The following BEND4 variants were observed in gnomAD, a reference collection of about 807,000 sequenced individuals.
BEND4 encodes BEN domain containing 4, also known as BEN domain-containing protein 4.
BEND4 carries 27 observed loss-of-function variants against 54.7 expected under a neutral mutation model. That is an observed-to-expected ratio of 0.49 (90% CI 0.36 to 0.68). BEND4 has a LOEUF of 0.68. BEND4 is among the 30% of genes least tolerant of loss of function. BEND4 has a pLI of 0.00. For missense variants in BEND4, 702 were observed against 697.2 expected (o/e 1.01, Z -0.08); for synonymous variants, 327 against 299.5 (o/e 1.09, Z -0.95).
chr4:42,117,465 C>T lies in BEND4; in HGVS notation c.*53G>A. On this transcript the variant is annotated 3_prime_UTR_variant, in exon 6 of 6. Transcript: ENST00000502486. ...TCTCAGGTGACAGGAACAGGACATTCACAATTGGAACTCTTGAGAGGACCA... is the reference window on the plus strand; with the variant it reads ...TCTCAGGTGACAGGAACAGGACATTTACAATTGGAACTCTTGAGAGGACCA... 3 of 1,315,784 alleles carry T rather than the reference C, an allele frequency of 2.3e-6. No homozygotes were observed. The highest frequency in any genetic ancestry group is 3.2e-6 in the Non-Finnish European group (3 of 935,048). 81.5% of individuals were successfully genotyped at this position (1,315,784 alleles called of 1,614,324 possible).
chr4:42,137,164 T>C (rs778537231), intron 3 of BEND4, among the ~76,000 whole-genome samples: 4 of 152,144 alleles, frequency 2.6e-5, no homozygotes, highest in Non-Finnish European at 5.9e-5. Context: ...GTCTATAAAA[T>C]AGGAATGATA....
At chr4:42,148,696 ACAGT>A (rs764265985) in intron 2 of BEND4, among the ~76,000 whole-genome samples, 2 of 152,230 alleles carry the variant, frequency 1.3e-5, no homozygotes, top group African/African-American at 4.8e-5. Context: ...CAAAAGCTTG[ACAGT>A]CAGGTTAATA....
rs2153143726 is a variant in BEND4 at position 42,113,314 on chromosome 4, TC to T, written c.*4203del. 1 of 152,312 alleles carries T rather than the reference TC, an allele frequency of 6.6e-6. No individual in the cohort carries two copies. The highest frequency in any genetic ancestry group is 2.1e-4 in the South Asian group (1 of 4,828). 9.4% of individuals were successfully genotyped at this position (152,312 alleles called of 1,614,324 possible). On this transcript the variant is annotated 3_prime_UTR_variant, in exon 6 of 6. Transcript: ENST00000502486. ...GAAGCTATTATCCATGGATGACATT[TC>T]AAAAAAATAATTGAAACCTAAGAAA... is the stretch of plus-strand genomic sequence containing the variant.
At chr4:42,150,534 G>GA (rs1313891768) in intron 2 of BEND4, among the ~76,000 whole-genome samples, 2 of 152,192 alleles carry the variant, frequency 1.3e-5, no homozygotes, top group Admixed American at 6.5e-5. Flanking sequence ...TTCCACAGGA[G>GA]AAAAAAATAA....
chr4:42,125,530 A>C, intron 4 of BEND4, 53 bp downstream of exon 4: 1 of 1,371,408 alleles, frequency 7.3e-7, no homozygotes, highest in Non-Finnish European at 1.0e-6. Flanking sequence ...AAGTTAATCA[A>C]GATACTTAAG....
At chr4:42,137,123 C>A (rs754417904) in intron 3 of BEND4, among the ~76,000 whole-genome samples, 1 of 152,166 alleles carries the variant, frequency 6.6e-6, no homozygotes, top group South Asian at 2.1e-4. Context: ...AAATTTCCAA[C>A]TGACCTCACT....
rs1017567513 is a variant in BEND4, at chr4:42,115,247, G to T, written c.*2271C>A. On this transcript the variant is annotated 3_prime_UTR_variant, in exon 6 of 6. Transcript: ENST00000502486. Reference sequence around the variant, plus strand: ...CATGTGTAACTTTGGAACAAAAGTGGTGTGCAAACCTGGGACAGCAGCCTT... The same window carrying T: ...CATGTGTAACTTTGGAACAAAAGTGTTGTGCAAACCTGGGACAGCAGCCTT... 1 of 152,248 alleles carries T rather than the reference G, an allele frequency of 6.6e-6. No individual in the cohort carries two copies. Among genetic ancestry groups the T allele is most frequent in the African/African-American group, 2.4e-5 (1 of 41,452 alleles). The allele number at this position is 152,248 out of a possible 1,614,324, so 9.4% of individuals were successfully genotyped here. A position where few individuals can be genotyped will look rare whatever the true frequency, so the allele number is the denominator to read the frequency against.
intron 3 of BEND4, among the ~76,000 whole-genome samples, chr4:42,136,446 T>C (rs1335346424): frequency 1.3e-5 from 2 of 152,208 alleles, no homozygotes; most frequent in Admixed American, 6.5e-5. Context: ...CATTCATGGA[T>C]TCGGTATTTG....
At chr4:42,132,440 A>ATTAT (rs10677500) in intron 3 of BEND4, among the ~76,000 whole-genome samples, 52,120 of 150,574 alleles carry the variant, frequency 0.35, 11,604 homozygotes, top group African/African-American at 0.64. Flanking sequence ...TTTTTATTTT[A>ATTAT]TTATTTATTT....
Position 42,124,237 on chromosome 4 carries a change from C to T in BEND4, c.1146+1346G>A, listed in dbSNP as rs867267653. Among the ~76,000 whole-genome samples the T allele has an allele frequency of 3.3e-5, 5 of 152,096 alleles. No homozygotes were observed. The East Asian group carries it at 5.8e-4, about 18-fold the overall frequency. Reference sequence around the variant, plus strand: ...GCGTGGTGGTGCACACCTGTAGTCTCGGCTATTTGCGGGGCTGAGGTGGGA... The same window carrying T: ...GCGTGGTGGTGCACACCTGTAGTCTTGGCTATTTGCGGGGCTGAGGTGGGA... On this transcript the variant is annotated intron_variant, in intron 4 of 5. Coordinates refer to ENST00000502486, the MANE Select transcript of BEND4 (RefSeq NM_207406.4).
At chr4:42,145,691 A>G (rs76380473) in intron 2 of BEND4, among the ~76,000 whole-genome samples, 1 of 98,688 alleles carries the variant, frequency 1.0e-5, no homozygotes, top group East Asian at 2.1e-4. Context: ...CTCCATCTCA[A>G]AAAAAAAAAA....
At chr4:42,151,417 C>T in intron 2 of BEND4, 1 of 336,366 alleles carries the variant, frequency 3.0e-6, no homozygotes, top group Non-Finnish European at 5.3e-6. Context: ...CCGTGCTTCC[C>T]GGCGCGGGAT....
chr4:42,128,910 TG>T (rs1720403132), intron 3 of BEND4, among the ~76,000 whole-genome samples: 1 of 152,066 alleles, frequency 6.6e-6, no homozygotes, highest in Admixed American at 6.6e-5. Context: ...CACTCCAGCT[TG>T]GGCGACTGAA....
In BEND4 at chr4:42,117,229, A is replaced by G; in HGVS notation, c.*289T>C. 1.2e-5 allele frequency: 3 copies of G among 257,600 alleles called. No homozygotes were observed. The highest frequency in any genetic ancestry group is 1.8e-4 in the East Asian group (2 of 10,914). The allele number at this position is 257,600 out of a possible 1,614,324, so 16.0% of individuals were successfully genotyped here. On this transcript the variant is annotated 3_prime_UTR_variant, in exon 6 of 6. Transcript: ENST00000502486. ...GTAGCAGAGTTTGAAGATTTCAGAA[A>G]GGTAACTAGGAGCTCACCTATTTTT...
rs1719654185 is a variant in BEND4, at chr4:42,113,424, T to A, written c.*4094A>T. The A allele has an allele frequency of 6.6e-6, 1 of 152,218 alleles. No homozygotes were observed. Among genetic ancestry groups the A allele is most frequent in the South Asian group, 2.1e-4 (1 of 4,828 alleles). The allele number at this position is 152,218 out of a possible 1,614,324, so 9.4% of individuals were successfully genotyped here. A position where few individuals can be genotyped will look rare whatever the true frequency, so the allele number is the denominator to read the frequency against. ...AATCTAAATGAGGACAATGGATGTT[T>A]GCTTTTCTGAACATATAGTGCACGT... On this transcript the variant is annotated 3_prime_UTR_variant, in exon 6 of 6. Transcript: ENST00000502486.
chr4:42,134,650 C>G (rs1308632669), intron 3 of BEND4, among the ~76,000 whole-genome samples: 1 of 152,170 alleles, frequency 6.6e-6, no homozygotes, highest in Non-Finnish European at 1.5e-5. Context: ...TATAGAGTAA[C>G]AATTTCCCAC....
rs1719885925 is a variant in BEND4, at chr4:42,117,493, T to C, written c.*25A>G. 6.5e-7 allele frequency: 1 copy of C among 1,541,070 alleles called. No homozygotes were observed. Among genetic ancestry groups the C allele is most frequent in the Admixed American group, 1.8e-5 (1 of 55,984 alleles). ...AATTGGAACTCTTGAGAGGACCAGC[T>C]GCTACAACAGGAAGATTCTGTCCAC... On this transcript the variant is annotated 3_prime_UTR_variant, in exon 6 of 6. Coordinates refer to ENST00000502486, the MANE Select transcript of BEND4 (RefSeq NM_207406.4).
At chr4:42,133,856 A>AAAAC (rs1013316000) in intron 3 of BEND4, among the ~76,000 whole-genome samples, 6 of 152,226 alleles carry the variant, frequency 3.9e-5, no homozygotes, top group East Asian at 1.9e-4. Flanking sequence ...TTCGTCTCAA[A>AAAAC]AAACAAACAA....
At chr4:42,145,995 G>A (rs912643266) in intron 2 of BEND4, among the ~76,000 whole-genome samples, 5 of 152,146 alleles carry the variant, frequency 3.3e-5, no homozygotes, top group African/African-American at 1.2e-4. Flanking sequence ...TCCACCCTAG[G>A]CTGGTTGAGA....
Sources: allele counts gnomAD v4.1 joint callset (sites outside exome capture counted in the v4.1 genomes callset), GRCh38; gene constraint gnomAD v4.1.1; transcripts MANE v1.5; gene names NCBI Gene and HGNC (gene_info 2026-07-23, HGNC 2026-07-21).